SPIB: variants seen among roughly 807,000 people sequenced by gnomAD.
The protein encoded by SPIB is transcription factor Spi-B.
A neutral mutation model predicts 31.9 loss-of-function variants in SPIB; 7 were observed. The ratio of observed to expected loss-of-function variants is 0.22; its 90% CI spans 0.12 to 0.41. SPIB has a LOEUF of 0.41. Among genes scored for constraint, SPIB ranks in the 10% least tolerant of loss-of-function variants. The pLI is 1.00. For synonymous variants in SPIB, 176 were observed against 158.9 expected (o/e 1.11, Z -0.81); for missense variants, 327 against 360.2 (o/e 0.91, Z 0.75).
Position 50,419,754 on chromosome 19 carries a change from C to T in SPIB, c.24-192C>T. 1.0e-5 allele frequency: 5 copies of T among 493,104 alleles called. No homozygotes were observed. In the South Asian group the frequency reaches 1.9e-4, roughly 19 times the overall value. 30.5% of individuals were successfully genotyped at this position (493,104 alleles called of 1,614,324 possible). A position where few individuals can be genotyped will look rare whatever the true frequency, so the allele number is the denominator to read the frequency against. On this transcript the variant is annotated intron_variant, in intron 1 of 5. Transcript: ENST00000595883. The stretch of plus-strand genomic sequence containing the variant: ...ATTCTGGGGAGGAGGGGGACATTTG[C>T]CTCCCCCCCACCCCCCACTTCCTGT...
chr19:50,420,234 C>T (rs2039477493), intron 2 of SPIB, among the ~76,000 whole-genome samples: 1 of 152,082 alleles, frequency 6.6e-6, no homozygotes, highest in South Asian at 2.1e-4. Flanking sequence ...TGTTCCTTTC[C>T]TTCTTTTTGT....
intron 1 of SPIB, 79 bp downstream of exon 1, chr19:50,419,064 G>A: frequency 6.7e-7 from 1 of 1,501,618 alleles, no homozygotes; most frequent in African/African-American, 1.4e-5. Context: ...ATGGGCAGTG[G>A]TTTCTCTGCT....
At chr19:50,425,550 C>A (rs948781807) in intron 5 of SPIB, among the ~76,000 whole-genome samples, 1 of 152,244 alleles carries the variant, frequency 6.6e-6, no homozygotes, top group South Asian at 2.1e-4. Flanking sequence ...AATCGATCCT[C>A]CTGCCTCAGC....
At chr19:50,419,045 G>T (rs1441605914) in intron 1 of SPIB, 60 bp downstream of exon 1, 7 of 1,544,044 alleles carry the variant, frequency 4.5e-6, no homozygotes, top group Non-Finnish European at 6.1e-6. Flanking sequence ...CCTCTGTGGG[G>T]CCTCACCCAT....
chr19:50,422,111 C>T (rs796442946), intron 2 of SPIB, among the ~76,000 whole-genome samples: 10 of 152,304 alleles, frequency 6.6e-5, no homozygotes, highest in African/African-American at 2.4e-4. Flanking sequence ...TCCATTTCCC[C>T]TTGCCCTTCA....
chr19:50,427,694 C>T (rs887118867), intron 5 of SPIB, among the ~76,000 whole-genome samples: 7 of 152,258 alleles, frequency 4.6e-5, no homozygotes, highest in Admixed American at 2.0e-4. Flanking sequence ...TTAAGCGGCG[C>T]TGTCAACCCA....
At position 50,423,038 on chromosome 19, in the gene SPIB, G is replaced by C; in HGVS notation, c.339+1G>C. On this transcript the variant is annotated splice_donor_variant, in intron 4 of 5. Transcript: ENST00000595883. LOFTEE classifies it high-confidence loss of function. ...CCCCACGGAGAACTTCGCTAGCCAGGTGAGTGGTAAGGGGACAGTTAAAAT... is the reference window on the plus strand; with the variant it reads ...CCCCACGGAGAACTTCGCTAGCCAGCTGAGTGGTAAGGGGACAGTTAAAAT... 1 of 1,401,414 alleles carries C rather than the reference G, an allele frequency of 7.1e-7. No individual in the cohort carries two copies. The highest frequency in any genetic ancestry group is 9.7e-7 in the Non-Finnish European group (1 of 1,029,320). The allele number at this position is 1,401,414 out of a possible 1,614,324, so 86.8% of individuals were successfully genotyped here.
chr19:50,425,762 C>T (rs1019303532), intron 5 of SPIB, among the ~76,000 whole-genome samples: 5 of 152,182 alleles, frequency 3.3e-5, no homozygotes, highest in African/African-American at 1.2e-4. Flanking sequence ...TATTTTATGG[C>T]TTATAGGTCC....
chr19:50,418,957 A>G lies in SPIB; in HGVS notation c.-6A>G. 1 of 1,553,986 alleles carries G rather than the reference A, an allele frequency of 6.4e-7. No individual in the cohort carries two copies. Among genetic ancestry groups the G allele is most frequent in the Non-Finnish European group, 8.7e-7 (1 of 1,149,148 alleles). On this transcript the variant is annotated 5_prime_UTR_variant, in exon 1 of 6. Transcript: ENST00000595883. This position sits in a 1 kb window ranked among gnomAD's most constrained non-coding sequence, Gnocchi z 6.0. The stretch of plus-strand genomic sequence containing the variant: ...GCGGGCGGCAAACAGCCCGCCCGGC[A>G]CCACCATGCTCGCCCTGGAGGCTGC...
chr19:50,423,877 C>A, intron 5 of SPIB, 122 bp downstream of exon 5: 2 of 1,170,686 alleles, frequency 1.7e-6, no homozygotes, highest in Non-Finnish European at 2.4e-6. Flanking sequence ...CAGATCCGCA[C>A]CACCTGCTGG....
At chr19:50,424,226 G>C (rs774160518) in intron 5 of SPIB, among the ~76,000 whole-genome samples, 1 of 152,140 alleles carries the variant, frequency 6.6e-6, no homozygotes, top group East Asian at 1.9e-4. Flanking sequence ...TCGGTTTCTC[G>C]TCTGTAAAGT....
chr19:50,424,404 TG>T (rs1219429511), intron 5 of SPIB, among the ~76,000 whole-genome samples: 1 of 152,154 alleles, frequency 6.6e-6, no homozygotes, highest in East Asian at 1.9e-4. Context: ...CCCAGCACTT[TG>T]GGAGGCTGAG....
Position 50,428,073 on chromosome 19 carries a change from C to T in SPIB, c.526C>T (p.Leu176=), listed in dbSNP as rs367646792. 1.4e-4 allele frequency: 217 copies of T among 1,571,532 alleles called. No individual in the cohort carries two copies. Among genetic ancestry groups the T allele is most frequent in the Non-Finnish European group, 1.8e-4 (209 of 1,156,962 alleles). Residue 176 remains leucine (L), a synonymous_variant, in exon 6 of 6, where the codon CTG becomes TTG. Transcript: ENST00000595883. This position sits in a 1 kb window ranked among gnomAD's most constrained non-coding sequence, Gnocchi z 6.5. ...RKKLRLYQFL[L]GLLTRGDMRE... Reference sequence around the variant, plus strand: ...GAAGCTGCGCCTGTACCAGTTCCTGCTGGGGCTACTGACGCGCGGGGACAT... The same window carrying T: ...GAAGCTGCGCCTGTACCAGTTCCTGTTGGGGCTACTGACGCGCGGGGACAT...
At chr19:50,423,550 A>C in intron 4 of SPIB, 55 bp from the exon 5 acceptor site, 1 of 1,587,330 alleles carries the variant, frequency 6.3e-7, no homozygotes, top group South Asian at 1.1e-5. Flanking sequence ...TGAGAGGAGG[A>C]AGTGGAGGGA....
rs1440237724 is a variant in SPIB, at chr19:50,422,973, C to T, written c.275C>T (p.Ala92Val). Residue 92 changes from alanine to valine, a missense_variant, in exon 4 of 6, where the codon GCC becomes GTC. Ala to Val is a moderately conservative substitution (Grantham distance 64). This residue lies in a region of SPIB where 238 missense variants were observed against 228.8 expected (regional missense o/e 1.04). Transcript: ENST00000595883. ...AGCCCTGCAGGGAACCTCGAACTGG[C>T]CCCCAGCCTGGAGGCCCCGGGGCCT... The part of the protein sequence containing the change: ...TYSPAGNLEL[A>V]PSLEAPGPGL... 3.8e-6 allele frequency: 6 copies of T among 1,576,888 alleles called. No homozygotes were observed. The highest frequency in any genetic ancestry group is 4.3e-6 in the Non-Finnish European group (5 of 1,158,742).
chr19:50,423,280 C>T (rs1024658412), intron 4 of SPIB: 1 of 478,826 alleles, frequency 2.1e-6, no homozygotes, highest in Non-Finnish European at 3.7e-6. Context: ...GGGTGCCGGG[C>T]ACTGCATTGA....
At chr19:50,420,996 TCAA>T (rs1300905912) in intron 2 of SPIB, among the ~76,000 whole-genome samples, 1 of 152,250 alleles carries the variant, frequency 6.6e-6, no homozygotes, top group Non-Finnish European at 1.5e-5. Flanking sequence ...CTTCCCTCAC[TCAA>T]CATGAAGTGT....
intron 2 of SPIB, among the ~76,000 whole-genome samples, chr19:50,421,340 T>C (rs1399980070): frequency 6.6e-6 from 1 of 152,142 alleles, no homozygotes; most frequent in African/African-American, 2.4e-5. Context: ...TATTTATTTA[T>C]TGAGACAGAG....
rs759092242 is a variant in SPIB, at chr19:50,422,988, C to T, written c.290C>T (p.Ala97Val). The T allele has an allele frequency of 6.4e-7, 1 of 1,566,844 alleles. No individual in the cohort carries two copies. Among genetic ancestry groups the T allele is most frequent in the Non-Finnish European group, 8.7e-7 (1 of 1,154,680 alleles). The change falls in exon 4 of 6, where the codon GCC becomes GTC. Residue 97 changes from alanine (A) to valine (V), a missense_variant. Transcript: ENST00000595883. Reference protein sequence around the residue: ...GNLELAPSLEAPGPGLPAYPT... With the variant: ...GNLELAPSLEVPGPGLPAYPT... Reference sequence around the variant, plus strand: ...CTCGAACTGGCCCCCAGCCTGGAGGCCCCGGGGCCTGGCCTCCCTGCATAC... The same window carrying T: ...CTCGAACTGGCCCCCAGCCTGGAGGTCCCGGGGCCTGGCCTCCCTGCATAC...
Sources: gnomAD v4.1 joint callset for allele counts (sites outside exome capture counted in the v4.1 genomes callset) on GRCh38, gnomAD v4.1.1 for gene constraint, gnomAD v4.1.1 regional missense constraint, Gnocchi (gnomAD v3.1) non-coding constraint, MANE v1.5 for transcripts, NCBI Gene and HGNC (gene_info 2026-07-23, HGNC 2026-07-21) for gene names.